Variants in CUL5 observed in about 807,000 individuals in gnomAD.
CUL5 encodes cullin 5, also known as cullin-5.
CUL5 carries 26 observed loss-of-function variants against 108.8 expected under a neutral mutation model. The ratio of observed to expected loss-of-function variants is 0.24; its 90% CI spans 0.18 to 0.33. The LOEUF is 0.33. Among genes scored for constraint, CUL5 ranks in the 10% least tolerant of loss-of-function variants. The pLI, the probability that CUL5 is intolerant of heterozygous loss-of-function variation, is 1.00. For synonymous variants in CUL5, 334 were observed against 298.0 expected (o/e 1.12, Z -1.25); for missense variants, 524 against 909.2 (o/e 0.58, Z 5.45).
At chr11:108,037,318 AG>A in intron 2 of CUL5, among the ~76,000 whole-genome samples, 1 of 152,274 alleles carries the variant, frequency 6.6e-6, no homozygotes, top group East Asian at 1.9e-4. Context: ...ATGATTTTAT[AG>A]CCACCCAAGC....
chr11:108,020,206 TG>T (rs1185428106), intron 1 of CUL5, among the ~76,000 whole-genome samples: 3 of 152,210 alleles, frequency 2.0e-5, no homozygotes, highest in African/African-American at 7.2e-5. Context: ...TTGTTTTTAG[TG>T]TGTGTACCCT....
intron 2 of CUL5, among the ~76,000 whole-genome samples, chr11:108,036,686 C>T (rs779431977): frequency 2.6e-5 from 4 of 152,170 alleles, no homozygotes; most frequent in Non-Finnish European, 4.4e-5. Context: ...CCATGTTGGC[C>T]GGGATGGTCT....
chr11:108,026,726 C>A (rs543066134), intron 1 of CUL5, among the ~76,000 whole-genome samples: 1 of 152,106 alleles, frequency 6.6e-6, no homozygotes, highest in South Asian at 2.1e-4. Context: ...CGCAGTGGCT[C>A]ACGTTTGTAA....
chr11:108,037,855 G>A (rs1188046030), intron 2 of CUL5, among the ~76,000 whole-genome samples: 3 of 152,298 alleles, frequency 2.0e-5, no homozygotes, highest in East Asian at 1.9e-4. Context: ...AATCCAAATT[G>A]CCACATCCTA....
chr11:108,031,601 G>GGT (rs1862585559), intron 1 of CUL5, among the ~76,000 whole-genome samples: 1 of 152,094 alleles, frequency 6.6e-6, no homozygotes, highest in South Asian at 2.1e-4. Flanking sequence ...GATAGTTGTA[G>GGT]GTGTGTGGTC....
chr11:108,106,422 A>C lies in CUL5; in HGVS notation c.*2038A>C, dbSNP rs149508940. 0.024 allele frequency: 3,646 copies of C among 152,684 alleles called. 63 individuals are homozygous for C. Among genetic ancestry groups the C allele is most frequent in the Admixed American group, 0.039 (594 of 15,290 alleles). 9.5% of individuals were successfully genotyped at this position (152,684 alleles called of 1,614,324 possible). ...AGGTGAATTTAATGCAAAAGTGGGT[A>C]ACACTACATTCATAGCAAAGTTTTT... On this transcript the variant is annotated 3_prime_UTR_variant, in exon 19 of 19. Coordinates refer to ENST00000393094, the MANE Select transcript of CUL5 (RefSeq NM_003478.6).
chr11:108,076,725 G>A (rs1408974621), intron 10 of CUL5, among the ~76,000 whole-genome samples: 2 of 152,150 alleles, frequency 1.3e-5, no homozygotes, highest in Non-Finnish European at 2.9e-5. Context: ...TTGGGTATAT[G>A]CCTAGAAGAG....
intron 18 of CUL5, among the ~76,000 whole-genome samples, chr11:108,103,224 A>C (rs1864713864): frequency 6.6e-6 from 1 of 152,220 alleles, no homozygotes; most frequent in Non-Finnish European, 1.5e-5. Flanking sequence ...ATCAAGAAAA[A>C]TTTTGATAAA....
chr11:108,080,186 T>C (rs1348967600), intron 11 of CUL5, among the ~76,000 whole-genome samples: 2 of 150,620 alleles, frequency 1.3e-5, no homozygotes, highest in African/African-American at 2.4e-5. Flanking sequence ...AGCCTCCACC[T>C]CCTGGGCTTA....
chr11:108,038,070 T>C (rs545718673), intron 2 of CUL5, among the ~76,000 whole-genome samples: 7 of 152,372 alleles, frequency 4.6e-5, no homozygotes, highest in East Asian at 1.9e-4. Flanking sequence ...AATTAACTTA[T>C]ACTTCTTGCC....
rs901875269 is a variant in CUL5, at chr11:108,106,013, T to C, written c.*1629T>C. ...AGCCAAATGCCTGTTCTGAAACTTATAGGAAATTGGAATTTTGTTTAAAAT... is the reference window on the plus strand; with the variant it reads ...AGCCAAATGCCTGTTCTGAAACTTACAGGAAATTGGAATTTTGTTTAAAAT... On this transcript the variant is annotated 3_prime_UTR_variant, in exon 19 of 19. Coordinates refer to ENST00000393094, the MANE Select transcript of CUL5 (RefSeq NM_003478.6). 6.6e-5 allele frequency: 10 copies of C among 152,154 alleles called. No individual in the cohort carries two copies. The highest frequency in any genetic ancestry group is 1.3e-4 in the Admixed American group (2 of 15,270). The allele number at this position is 152,154 out of a possible 1,614,324, so 9.4% of individuals were successfully genotyped here. A position where few individuals can be genotyped will look rare whatever the true frequency, so the allele number is the denominator to read the frequency against.
intron 1 of CUL5, among the ~76,000 whole-genome samples, chr11:108,010,965 T>A (rs1862044547): frequency 6.6e-6 from 1 of 152,186 alleles, no homozygotes; most frequent in Admixed American, 6.5e-5. Context: ...TAGTTAACTA[T>A]GATCACGCCA....
rs979136429 is a variant in CUL5 at position 108,008,970 on chromosome 11, C to G, written c.-379C>G. 2 of 235,746 alleles carry G rather than the reference C, an allele frequency of 8.5e-6. No individual in the cohort carries two copies. Among genetic ancestry groups the G allele is most frequent in the Non-Finnish European group, 1.7e-5 (2 of 120,650 alleles). 14.6% of individuals were successfully genotyped at this position (235,746 alleles called of 1,614,324 possible). The stretch of plus-strand genomic sequence containing the variant: ...TGCGGGGCCTAAGCCGAGCTAAATT[C>G]GTTGCAGGTGGCCGCGGCGGGTGCA... On this transcript the variant is annotated 5_prime_UTR_variant, in exon 1 of 19. Transcript: ENST00000393094.
At chr11:108,063,592 A>G (rs1015717162) in intron 7 of CUL5, among the ~76,000 whole-genome samples, 1 of 148,764 alleles carries the variant, frequency 6.7e-6, no homozygotes, top group South Asian at 2.1e-4. Context: ...TTAATTTTAT[A>G]ATAATAATAA....
chr11:108,022,818 C>G (rs1862358516), intron 1 of CUL5, among the ~76,000 whole-genome samples: 1 of 152,174 alleles, frequency 6.6e-6, no homozygotes, highest in African/African-American at 2.4e-5. Context: ...TGCCACTGCA[C>G]TCCAGCCTAG....
At chr11:108,021,748 T>G (rs1396265330) in intron 1 of CUL5, among the ~76,000 whole-genome samples, 1 of 152,226 alleles carries the variant, frequency 6.6e-6, no homozygotes, top group East Asian at 1.9e-4. Context: ...ACTCGTGGCC[T>G]CAAGTGATTG....
Position 108,105,843 on chromosome 11 carries a change from G to C in CUL5, c.*1459G>C, listed in dbSNP as rs1373357822. The C allele has an allele frequency of 6.6e-6, 1 of 152,140 alleles. No homozygotes were observed. The highest frequency in any genetic ancestry group is 1.5e-5 in the Non-Finnish European group (1 of 68,002). The allele number at this position is 152,140 out of a possible 1,614,324, so 9.4% of individuals were successfully genotyped here. A position where few individuals can be genotyped will look rare whatever the true frequency, so the allele number is the denominator to read the frequency against. On this transcript the variant is annotated 3_prime_UTR_variant, in exon 19 of 19. Transcript: ENST00000393094. Reference sequence around the variant, plus strand: ...GTTTTTGAAGATAGTAGGAAATGGAGTACAGAAAGGCATACAGTATTATGT... The same window carrying C: ...GTTTTTGAAGATAGTAGGAAATGGACTACAGAAAGGCATACAGTATTATGT...
intron 1 of CUL5, among the ~76,000 whole-genome samples, chr11:108,023,542 A>G (rs1352166216): frequency 1.4e-5 from 2 of 145,606 alleles, no homozygotes; most frequent in Admixed American, 1.4e-4. Context: ...TGTTTGAAAA[A>G]AGAAAAAAAA....
At chr11:108,098,644 GC>G (rs1005592938) in intron 18 of CUL5, 115 bp downstream of exon 18, 10 of 722,198 alleles carry the variant, frequency 1.4e-5, no homozygotes, top group Admixed American at 4.2e-5. Context: ...AAGTGCAGTG[GC>G]CCACACATAA....
Sources: gnomAD v4.1 joint callset for allele counts (sites outside exome capture counted in the v4.1 genomes callset) on GRCh38, gnomAD v4.1.1 for gene constraint, MANE v1.5 for transcripts, NCBI Gene and HGNC (gene_info 2026-07-23, HGNC 2026-07-21) for gene names.